Variants in PRMT8 observed in about 807,000 individuals in gnomAD.
The protein encoded by PRMT8 is protein arginine N-methyltransferase 8.
PRMT8 carries 7 observed loss-of-function variants against 47.1 expected under a neutral mutation model. The observed-to-expected ratio is 0.15, with a 90% confidence interval of 0.08 to 0.28. PRMT8 has a LOEUF of 0.28. Ranked by LOEUF, PRMT8 falls within the 10% of genes least tolerant of loss-of-function variation. The pLI is 1.00. For missense variants in PRMT8, 237 were observed against 505.4 expected (o/e 0.47, Z 5.09); for synonymous variants, 188 against 186.5 (o/e 1.01, Z -0.07).
At chr12:3,588,113 G>T (rs531035799) in intron 8 of PRMT8, among the ~76,000 whole-genome samples, 3 of 152,296 alleles carry the variant, frequency 2.0e-5, no homozygotes, top group South Asian at 2.1e-4. Context: ...GTTTTTTCAG[G>T]TATCAGCAAG....
chr12:3,423,857 CTT>C (rs1301837857), intron 1 of PRMT8, among the ~76,000 whole-genome samples: 39 of 152,322 alleles, frequency 2.6e-4, no homozygotes, highest in Admixed American at 2.3e-3. Flanking sequence ...TGAGTGAATT[CTT>C]TTCCTTCTCT....
chr12:3,532,538 G>A (rs1591588413), intron 1 of PRMT8, among the ~76,000 whole-genome samples: 1 of 145,082 alleles, frequency 6.9e-6, no homozygotes, highest in East Asian at 2.1e-4. Flanking sequence ...CATGAACCCG[G>A]GAGGCAGAGC....
chr12:3,434,897 G>A (rs1438331601), intron 1 of PRMT8, among the ~76,000 whole-genome samples: 1 of 151,598 alleles, frequency 6.6e-6, no homozygotes, highest in Non-Finnish European at 1.5e-5. Flanking sequence ...CTCCATAGAC[G>A]CCCTCACTCT....
Position 3,494,822 on chromosome 12 carries a change from G to T in PRMT8, c.75+3122G>T, listed in dbSNP as rs137858886. ...GTGGCCCTGGGGGCACTCTTCAACC[G>T]CTCTGACCTCAGTTCCCTTCTCTGT... On this transcript the variant is annotated intron_variant, in intron 1 of 9. Coordinates refer to ENST00000382622, the MANE Select transcript of PRMT8 (RefSeq NM_019854.5). Among the ~76,000 whole-genome samples the T allele has an allele frequency of 4.7e-3, 719 of 152,244 alleles. 8 individuals carry two copies. The highest frequency in any genetic ancestry group is 5.0e-3 in the Non-Finnish European group (343 of 68,026).
In PRMT8 at chr12:3,593,196, C is replaced by G. The variant is rs1466111569; in HGVS notation, c.*14C>G. The G allele has an allele frequency of 6.2e-7, 1 of 1,606,138 alleles. No individual in the cohort carries two copies. The highest frequency in any genetic ancestry group is 2.2e-5 in the East Asian group (1 of 44,852). Reference sequence around the variant, plus strand: ...AAAATGCGTTAGCACACGTGGGAAGCTGCAGAGAGCAACGAGAAAAGGAAC... The same window carrying G: ...AAAATGCGTTAGCACACGTGGGAAGGTGCAGAGAGCAACGAGAAAAGGAAC... On this transcript the variant is annotated 3_prime_UTR_variant, in exon 10 of 10. Coordinates refer to ENST00000382622, the MANE Select transcript of PRMT8 (RefSeq NM_019854.5). This position sits in a 1 kb window ranked among gnomAD's most constrained non-coding sequence, Gnocchi z 4.8.
intron 1 of PRMT8, among the ~76,000 whole-genome samples, chr12:3,531,262 A>G (rs1487729940): frequency 6.6e-6 from 1 of 152,182 alleles, no homozygotes; most frequent in Non-Finnish European, 1.5e-5. Context: ...ACCCCCTTCA[A>G]GTCAAAGGAG....
At chr12:3,586,405 C>A (rs1049450643) in intron 8 of PRMT8, among the ~76,000 whole-genome samples, 1 of 152,198 alleles carries the variant, frequency 6.6e-6, no homozygotes, top group African/African-American at 2.4e-5. Context: ...GGATCTAAAC[C>A]CAGTTGTGAG....
At chr12:3,465,147 TA>T (rs1865081473) in intron 1 of PRMT8, among the ~76,000 whole-genome samples, 1 of 115,180 alleles carries the variant, frequency 8.7e-6, no homozygotes, top group African/African-American at 2.7e-5. Flanking sequence ...TATATATATA[TA>T]ATTTTTTTAT....
chr12:3,414,719 G>T (rs1204343154), intron 1 of PRMT8, among the ~76,000 whole-genome samples: 7 of 152,120 alleles, frequency 4.6e-5, no homozygotes. Flanking sequence ...CTCTTGGTGG[G>T]ATGGGGAGTT....
chr12:3,570,211 G>A lies in PRMT8; in HGVS notation c.712+647G>A, dbSNP rs550585585. 2.5e-4 allele frequency among the ~76,000 whole-genome samples: 38 copies of A among 152,078 alleles called. No homozygotes were observed. The South Asian group carries it at 7.5e-3, about 30-fold the overall frequency. On this transcript the variant is annotated intron_variant, in intron 6 of 9. Coordinates refer to ENST00000382622, the MANE Select transcript of PRMT8 (RefSeq NM_019854.5). This position sits in a 1 kb window ranked among gnomAD's most constrained non-coding sequence, Gnocchi z 5.5. ...TGTGTGGTTCTCTGAGAACAATAAA[G>A]CCAAAAAACTTCTCCTCCCCCGCAA...
intron 1 of PRMT8, among the ~76,000 whole-genome samples, chr12:3,431,567 G>A (rs1840500150): frequency 6.6e-6 from 1 of 152,010 alleles, no homozygotes; most frequent in African/African-American, 2.4e-5. Flanking sequence ...ACCTGGAGAG[G>A]ATGAAAAACC....
At chr12:3,554,667 G>C (rs1866492739) in intron 4 of PRMT8, among the ~76,000 whole-genome samples, 1 of 152,184 alleles carries the variant, frequency 6.6e-6, no homozygotes, top group South Asian at 2.1e-4. Flanking sequence ...CCCTTGAGGG[G>C]TCTGGGGCAG....
chr12:3,447,233 TC>T (rs1864867766), intron 1 of PRMT8, among the ~76,000 whole-genome samples: 1 of 152,206 alleles, frequency 6.6e-6, no homozygotes, highest in Non-Finnish European at 1.5e-5. Context: ...GGCGCTTGTA[TC>T]TGTGCACCGA....
intron 1 of PRMT8, among the ~76,000 whole-genome samples, chr12:3,405,055 A>C (rs1370846732): frequency 6.6e-6 from 1 of 152,136 alleles, no homozygotes; most frequent in Non-Finnish European, 1.5e-5. Flanking sequence ...GATATACCCG[A>C]GACTGGGTAA....
At chr12:3,553,413 A>G in intron 3 of PRMT8, 1 of 592,426 alleles carries the variant, frequency 1.7e-6, no homozygotes, top group Admixed American at 3.0e-5. Flanking sequence ...CAATCCCTCC[A>G]TCACGGGTGG....
intron 7 of PRMT8, among the ~76,000 whole-genome samples, chr12:3,577,951 A>G (rs1866978251): frequency 6.6e-6 from 1 of 152,144 alleles, no homozygotes; most frequent in Admixed American, 6.5e-5. Flanking sequence ...CTCCAGCCCC[A>G]TCCTCCTCCA....
Position 3,570,695 on chromosome 12 carries a change from G to T in PRMT8, c.712+1131G>T, listed in dbSNP as rs1310159254. Among the ~76,000 whole-genome samples, 1 of 152,234 alleles carries T rather than the reference G, an allele frequency of 6.6e-6. No individual in the cohort carries two copies. The highest frequency in any genetic ancestry group is 6.5e-5 in the Admixed American group (1 of 15,290). On this transcript the variant is annotated intron_variant, in intron 6 of 9. Transcript: ENST00000382622. This position sits in a 1 kb window ranked among gnomAD's most constrained non-coding sequence, Gnocchi z 5.5. ...CTCGGCTGGACTCTGCTATGGATGT[G>T]TGTATTTGTGTGGGTTCATGCCTTT...
rs191430587 is a variant in PRMT8 at position 3,588,945 on chromosome 12, C to T, written c.980-3286C>T. Among the ~76,000 whole-genome samples the T allele has an allele frequency of 2.0e-5, 3 of 152,300 alleles. No homozygotes were observed. In the East Asian group the frequency reaches 5.8e-4, roughly 29 times the overall value. Reference sequence around the variant, plus strand: ...GGAGAACTCTAGATGTTGTCCACAACCCTTTCCTGAGCGCCCACCCTTGTG... The same window carrying T: ...GGAGAACTCTAGATGTTGTCCACAATCCTTTCCTGAGCGCCCACCCTTGTG... On this transcript the variant is annotated intron_variant, in intron 8 of 9. Coordinates refer to ENST00000382622, the MANE Select transcript of PRMT8 (RefSeq NM_019854.5).
intron 8 of PRMT8, among the ~76,000 whole-genome samples, chr12:3,590,978 G>A (rs914874988): frequency 7.2e-5 from 11 of 152,104 alleles, no homozygotes; most frequent in Non-Finnish European, 1.5e-4. Flanking sequence ...GACAGGCACC[G>A]CAATAACAGG....
Sources: allele counts gnomAD v4.1 joint callset (sites outside exome capture counted in the v4.1 genomes callset), GRCh38; gene constraint gnomAD v4.1.1; non-coding constraint Gnocchi (gnomAD v3.1); transcripts MANE v1.5; gene names NCBI Gene and HGNC (gene_info 2026-07-23, HGNC 2026-07-21).